Variants in PSMG2 observed in about 807,000 individuals in gnomAD.
PSMG2 encodes CD40 ligand-activated specific transcript 3.
A neutral mutation model predicts 31.5 loss-of-function variants in PSMG2; 21 were observed. The observed-to-expected ratio is 0.67, with a 90% confidence interval of 0.47 to 0.96. The LOEUF is 0.96. Ranked by LOEUF, PSMG2 falls within the 40% of genes least tolerant of loss-of-function variation. The pLI is 0.00. For synonymous variants in PSMG2, 120 were observed against 110.4 expected (o/e 1.09, Z -0.54); for missense variants, 318 against 321.2 (o/e 0.99, Z 0.08).
chr18:12,683,505 CT>C (rs2039425303), intron 1 of PSMG2, among the ~76,000 whole-genome samples: 1 of 151,998 alleles, frequency 6.6e-6, no homozygotes, highest in Non-Finnish European at 1.5e-5. Flanking sequence ...GAAATCAGCA[CT>C]TTAGGAGGCA....
At chr18:12,667,906 G>A (rs2144955085) in intron 1 of PSMG2, among the ~76,000 whole-genome samples, 2 of 149,266 alleles carry the variant, frequency 1.3e-5, no homozygotes, top group Admixed American at 6.7e-5. Context: ...GAAACAAAGG[G>A]GGAAAAAAAC....
At chr18:12,717,410 A>G (rs2040387323) in intron 3 of PSMG2, among the ~76,000 whole-genome samples, 2 of 152,202 alleles carry the variant, frequency 1.3e-5, no homozygotes, top group Admixed American at 6.5e-5. Context: ...TTTATAACCC[A>G]CATTCCAGAT....
rs746768764 is a variant in PSMG2 at position 12,703,076 on chromosome 18, G to T, written c.-32G>T. ...CTGCCCTCGTTCTTGCCAGGGCCGC[G>T]GTTAGTCCCTGCTGGCCACCCCACT... On this transcript the variant is annotated 5_prime_UTR_variant, in exon 1 of 7. Coordinates refer to ENST00000317615, the MANE Select transcript of PSMG2 (RefSeq NM_020232.5). The T allele has an allele frequency of 1.9e-6, 3 of 1,607,444 alleles. No individual in the cohort carries two copies. The highest frequency in any genetic ancestry group is 2.5e-6 in the Non-Finnish European group (3 of 1,177,446).
intron 1 of PSMG2, among the ~76,000 whole-genome samples, chr18:12,696,331 C>T (rs1049682366): frequency 3.3e-5 from 5 of 151,952 alleles, no homozygotes; most frequent in African/African-American, 1.2e-4. Flanking sequence ...GGTGAAACCC[C>T]ATCTCTACTA....
At chr18:12,709,774 A>G (rs1319626331) in intron 2 of PSMG2, among the ~76,000 whole-genome samples, 1 of 151,938 alleles carries the variant, frequency 6.6e-6, no homozygotes, top group Non-Finnish European at 1.5e-5. Flanking sequence ...TGCTGGGATT[A>G]CAGGCGTGAG....
intron 1 of PSMG2, among the ~76,000 whole-genome samples, chr18:12,693,774 T>A (rs1174821699): frequency 6.6e-6 from 1 of 152,028 alleles, no homozygotes; most frequent in Non-Finnish European, 1.5e-5. Context: ...AGAGCGAGAC[T>A]CTGTCTGAAA....
chr18:12,684,401 C>T (rs1344839769), intron 1 of PSMG2: 1 of 151,994 alleles, frequency 6.6e-6, no homozygotes, highest in Non-Finnish European at 1.5e-5. Context: ...GGGCATGAGC[C>T]ACCATGCCTG....
chr18:12,708,930 T>G (rs765741074), intron 2 of PSMG2, among the ~76,000 whole-genome samples: 3 of 152,050 alleles, frequency 2.0e-5, no homozygotes, highest in Non-Finnish European at 4.4e-5. Context: ...CAGGCTGGTC[T>G]CAAACTCCTG....
At chr18:12,668,223 C>T (rs2038844886) in intron 1 of PSMG2, among the ~76,000 whole-genome samples, 1 of 152,034 alleles carries the variant, frequency 6.6e-6, no homozygotes, top group Non-Finnish European at 1.5e-5. Flanking sequence ...TGAGATTGCA[C>T]CACTGCACTC....
In PSMG2 at chr18:12,712,086, A is replaced by T. The variant is rs192226018; in HGVS notation, c.230-616A>T. ...CTCATTCTTAGAAATGAAGTTGGGC[A>T]GGGAAGCCTTAAGCATTTCTAGAGT... On this transcript the variant is annotated intron_variant, in intron 2 of 6. Coordinates refer to ENST00000317615, the MANE Select transcript of PSMG2 (RefSeq NM_020232.5). Among the ~76,000 whole-genome samples the T allele has an allele frequency of 1.8e-3, 281 of 152,302 alleles. 2 individuals carry two copies. Among genetic ancestry groups the T allele is most frequent in the African/African-American group, 6.0e-3 (251 of 41,560 alleles).
rs777148740 is a variant in PSMG2, at chr18:12,674,536, C to T, written c.-37+15763C>T. ...AATGATTCCGTAAATTACACCTTACCGAAGACATGTGGCAAATGCACGTCT... is the reference window on the plus strand; with the variant it reads ...AATGATTCCGTAAATTACACCTTACTGAAGACATGTGGCAAATGCACGTCT... On this transcript the variant is annotated intron_variant, in intron 1 of 6. Coordinates refer to the PSMG2 transcript ENST00000585331. The T allele has an allele frequency of 1.9e-6, 3 of 1,608,574 alleles. No homozygotes were observed. The highest frequency in any genetic ancestry group is 1.1e-5 in the South Asian group (1 of 90,886).
chr18:12,697,886 A>C (rs901359677), intron 1 of PSMG2, among the ~76,000 whole-genome samples: 2 of 152,194 alleles, frequency 1.3e-5, no homozygotes, highest in Non-Finnish European at 2.9e-5. Flanking sequence ...AAGGGAAAAA[A>C]ATAAATTTTA....
chr18:12,689,024 G>A lies in PSMG2; in HGVS notation c.-36-17526G>A, dbSNP rs546152292. ...AGCTACTTGGGAGGCTGAGGCAGGA[G>A]AATCACTTGAATCTGGGAGGTGGAG... is the stretch of plus-strand genomic sequence containing the variant. On this transcript the variant is annotated intron_variant, in intron 1 of 6. Transcript: ENST00000585331. Among the ~76,000 whole-genome samples, 28 of 152,290 alleles carry A rather than the reference G, an allele frequency of 1.8e-4. No individual in the cohort carries two copies. In the South Asian group the frequency reaches 5.6e-3, roughly 30 times the overall value.
chr18:12,701,055 G>A, upstream of PSMG2: 1 of 1,613,504 alleles, frequency 6.2e-7, no homozygotes, highest in Non-Finnish European at 8.5e-7. Flanking sequence ...TTGATCAGGT[G>A]CCAATTCTTC....
intron 1 of PSMG2, among the ~76,000 whole-genome samples, 182 bp from the exon 2 acceptor site, chr18:12,706,368 T>C (rs2040268559): frequency 6.6e-6 from 1 of 152,124 alleles, no homozygotes; most frequent in Non-Finnish European, 1.5e-5. Flanking sequence ...GCGCCTATAA[T>C]CTCAGCTACT....
intron 1 of PSMG2, chr18:12,697,179 C>A: frequency 8.0e-7 from 1 of 1,253,826 alleles, no homozygotes; most frequent in Non-Finnish European, 1.1e-6. Flanking sequence ...TACAAATGAA[C>A]TGTGGCTATA....
At chr18:12,681,231 C>T (rs1281599786) in intron 1 of PSMG2, among the ~76,000 whole-genome samples, 1 of 148,182 alleles carries the variant, frequency 6.7e-6, no homozygotes, top group African/African-American at 2.5e-5. Flanking sequence ...AAAGAACTCA[C>T]ACAACACAGA....
At chr18:12,695,203 T>C (rs1308823673) in intron 1 of PSMG2, 4 of 749,328 alleles carry the variant, frequency 5.3e-6, no homozygotes, top group Admixed American at 6.1e-5. Context: ...CAGGTAAATA[T>C]ACTACTATGA....
upstream of PSMG2, chr18:12,702,834 G>A (rs373724329): frequency 5.4e-6 from 3 of 560,468 alleles, no homozygotes; most frequent in Non-Finnish European, 9.3e-6. Flanking sequence ...CCACCTCCCC[G>A]CGGGCCCCGC....
Sources: gnomAD v4.1 joint callset for allele counts (sites outside exome capture counted in the v4.1 genomes callset) on GRCh38, gnomAD v4.1.1 for gene constraint, MANE v1.5 for transcripts, NCBI Gene and HGNC (gene_info 2026-07-23, HGNC 2026-07-21) for gene names.